DOT1L: variants seen among roughly 807,000 people sequenced by gnomAD.
The protein encoded by DOT1L is DOT1 like histone lysine methyltransferase, also known as histone-lysine N-methyltransferase, H3 lysine-79 specific.
A neutral mutation model predicts 153.3 loss-of-function variants in DOT1L; 33 were observed. The observed-to-expected ratio is 0.22, with a 90% confidence interval of 0.16 to 0.29. DOT1L has a LOEUF of 0.29. Ranked by LOEUF, DOT1L falls within the 10% of genes least tolerant of loss-of-function variation. DOT1L has a pLI of 1.00. For synonymous variants in DOT1L, 1,135 were observed against 965.1 expected, an observed-to-expected ratio of 1.18 and a Z score of -3.26; for missense variants, 1,847 against 2,119.9, an observed-to-expected ratio of 0.87 and a Z score of 2.53.
At chr19:2,165,431 C>G (rs907341896) in intron 1 of DOT1L, among the ~76,000 whole-genome samples, 2 of 152,126 alleles carry the variant, frequency 1.3e-5, no homozygotes, top group Non-Finnish European at 2.9e-5. Flanking sequence ...AGCCTGGCCG[C>G]ACGTCCCGCG....
At chr19:2,206,153 A>C (rs985063109) in intron 9 of DOT1L, among the ~76,000 whole-genome samples, 5 of 151,734 alleles carry the variant, frequency 3.3e-5, no homozygotes, top group Admixed American at 3.3e-4. Flanking sequence ...GTGCGCCACC[A>C]CACCTGGCTA....
At chr19:2,202,825 G>A (rs755375282) in intron 9 of DOT1L, 46 bp downstream of exon 9, 3 of 1,607,516 alleles carry the variant, frequency 1.9e-6, no homozygotes, top group East Asian at 2.2e-5. Context: ...ACATGATTGA[G>A]GAAGGGTGGC....
In DOT1L at chr19:2,207,885, C is replaced by G. The variant is rs2023564857; in HGVS notation, c.963+205C>G. 6.6e-6 allele frequency among the ~76,000 whole-genome samples: 1 copy of G among 152,080 alleles called. No individual in the cohort carries two copies. On this transcript the variant is annotated intron_variant, in intron 11 of 27. Transcript: ENST00000398665. The surrounding 1 kb of genome is among the most constrained non-coding windows in gnomAD (Gnocchi z 4.5). ...GGACCCACCAGGGTCCTCCCAGGCA[C>G]TGGGCGTGTCCTGGGTGAGGGCTGA...
chr19:2,196,667 G>T (rs1460681930), intron 7 of DOT1L, among the ~76,000 whole-genome samples: 3 of 152,160 alleles, frequency 2.0e-5, no homozygotes, highest in Non-Finnish European at 4.4e-5. Flanking sequence ...TGTGTCGCCT[G>T]CAAACACGGA....
At chr19:2,181,671 C>G (rs975091244) in intron 2 of DOT1L, among the ~76,000 whole-genome samples, 1 of 152,190 alleles carries the variant, frequency 6.6e-6, no homozygotes, top group Non-Finnish European at 1.5e-5. Flanking sequence ...GGAGTAGGGG[C>G]CCCTCTGTTC....
chr19:2,181,317 G>A (rs559466957), intron 2 of DOT1L, among the ~76,000 whole-genome samples: 2 of 152,294 alleles, frequency 1.3e-5, no homozygotes, highest in Non-Finnish European at 2.9e-5. Flanking sequence ...GCACCTGCAC[G>A]GAGGCCACAT....
At position 2,208,717 on chromosome 19, in the gene DOT1L, G is replaced by A. The variant is rs530884734; in HGVS notation, c.964-218G>A. On this transcript the variant is annotated intron_variant, in intron 11 of 27. Transcript: ENST00000398665. The surrounding 1 kb of genome is among the most constrained non-coding windows in gnomAD (Gnocchi z 4.4). ...AGGCTTAAACCAGCCCCGCCCACCC[G>A]TCGCGTGCTGGTGAATTGAGGGTGA... 4.6e-5 allele frequency among the ~76,000 whole-genome samples: 7 copies of A among 152,254 alleles called. No individual in the cohort carries two copies. The highest frequency in any genetic ancestry group is 2.0e-4 in the Admixed American group (3 of 15,292).
chr19:2,227,590 G>A, intron 27 of DOT1L: 1 of 938,784 alleles, frequency 1.1e-6, no homozygotes, highest in Non-Finnish European at 1.4e-6. Context: ...GCCACCACGA[G>A]CCTGGCCGAG....
At position 2,231,851 on chromosome 19, in the gene DOT1L, C is replaced by G; in HGVS notation, c.*2059C>G. 1 of 220,008 alleles carries G rather than the reference C, an allele frequency of 4.5e-6. No homozygotes were observed. The highest frequency in any genetic ancestry group is 9.1e-6 in the Non-Finnish European group (1 of 109,762). The allele number at this position is 220,008 out of a possible 1,614,324, so 13.6% of individuals were successfully genotyped here. On this transcript the variant is annotated 3_prime_UTR_variant, in exon 28 of 28. Coordinates refer to ENST00000398665, the MANE Select transcript of DOT1L (RefSeq NM_032482.3). ...GTCCTGCAGATGGCCATGCAGGGCT[C>G]CTGCCCACGCAGGCCACCGTATGTT...
In DOT1L at chr19:2,222,314, A is replaced by G. The variant is rs1314918641; in HGVS notation, c.3145A>G (p.Ile1049Val). Residue 1049 changes from isoleucine (I) to valine (V), a missense_variant, in exon 24 of 28, where the codon ATC becomes GTC. By Grantham distance (29) the Ile-to-Val change is conservative (BLOSUM62 3). Around this residue, in one of 8 missense-constraint regions of DOT1L, gnomAD observed 934 missense variants for 825.3 expected, o/e 1.13. Coordinates refer to ENST00000398665, the MANE Select transcript of DOT1L (RefSeq NM_032482.3). This position sits in a 1 kb window ranked among gnomAD's most constrained non-coding sequence, Gnocchi z 6.5. ...AGCCAAGAGGAGGATTGTGTTCACC[A>G]TCACCACTGGTGCGGGCAGTGCCAA... ...SEAKRRIVFT[I>V]TTGAGSAKQS... 2 of 1,612,860 alleles carry G rather than the reference A, an allele frequency of 1.2e-6. No homozygotes were observed. The highest frequency in any genetic ancestry group is 1.7e-5 in the Admixed American group (1 of 59,998).
chr19:2,213,328 G>A (rs1048736102), intron 16 of DOT1L: 7 of 510,380 alleles, frequency 1.4e-5, no homozygotes, highest in Admixed American at 3.5e-5. Flanking sequence ...TCCAGCTGGC[G>A]AGAGTTCTTT....
At chr19:2,214,226 G>C in intron 18 of DOT1L, 1 of 865,864 alleles carries the variant, frequency 1.2e-6, no homozygotes, top group African/African-American at 1.7e-5. Flanking sequence ...TGGCAGGCTC[G>C]AGGTGTGGGG....
intron 1 of DOT1L, among the ~76,000 whole-genome samples, chr19:2,172,165 A>G (rs188563153): frequency 2.3e-4 from 34 of 150,868 alleles, no homozygotes; most frequent in Admixed American, 1.5e-3. Flanking sequence ...CCTCGGACGC[A>G]CTTTTCTTTT....
intron 2 of DOT1L, among the ~76,000 whole-genome samples, chr19:2,182,989 C>T (rs1210797094): frequency 2.0e-5 from 3 of 152,150 alleles, no homozygotes; most frequent in Non-Finnish European, 4.4e-5. Context: ...CCTCGAAACT[C>T]GAACCCCCAC....
rs914777986 is a variant in DOT1L at position 2,173,791 on chromosome 19, C to T, written c.82-6922C>T. On this transcript the variant is annotated intron_variant, in intron 1 of 27. Transcript: ENST00000398665. ...GAGTGCCTCACTACGCACTTCAAGA[C>T]GGGGTCGCTCCGGTTGTGTTTTATG... is the stretch of plus-strand genomic sequence containing the variant. Among the ~76,000 whole-genome samples, 12 of 152,162 alleles carry T rather than the reference C, an allele frequency of 7.9e-5. No homozygotes were observed. In the East Asian group the frequency reaches 1.5e-3, roughly 20 times the overall value.
At position 2,191,443 on chromosome 19, in the gene DOT1L, G is replaced by T; in HGVS notation, c.493+203G>T. The T allele has an allele frequency of 1.6e-6, 1 of 611,128 alleles. No homozygotes were observed. 37.9% of individuals were successfully genotyped at this position (611,128 alleles called of 1,614,324 possible). A position where few individuals can be genotyped will look rare whatever the true frequency, so the allele number is the denominator to read the frequency against. Reference sequence around the variant, plus strand: ...GGGCTCCACCCAGAGGGGAGAAATCGCAGGAACCCAGTGGCTCCCAGACCA... The same window carrying T: ...GGGCTCCACCCAGAGGGGAGAAATCTCAGGAACCCAGTGGCTCCCAGACCA... On this transcript the variant is annotated intron_variant, in intron 5 of 27. Transcript: ENST00000398665. This position sits in a 1 kb window ranked among gnomAD's most constrained non-coding sequence, Gnocchi z 6.8.
At chr19:2,194,700 G>C in intron 7 of DOT1L, 123 bp downstream of exon 7, 1 of 542,818 alleles carries the variant, frequency 1.8e-6, no homozygotes, top group Admixed American at 3.9e-5. Context: ...GTGCCCCCTG[G>C]AGTCCCCTCT....
rs1481156475 is a variant in DOT1L, at chr19:2,227,879, C to T, written c.4606+752C>T. The stretch of plus-strand genomic sequence containing the variant: ...GCGCCTCGGCCTCTTCCTTTCAGGC[C>T]CCGGCCTCGGTTGAGACCCGGCCGC... On this transcript the variant is annotated intron_variant, in intron 27 of 27. Transcript: ENST00000398665. 4.7e-6 allele frequency: 6 copies of T among 1,275,618 alleles called. No individual in the cohort carries two copies. In the African/African-American group the frequency reaches 7.9e-5, roughly 17 times the overall value. The allele number at this position is 1,275,618 out of a possible 1,614,324, so 79.0% of individuals were successfully genotyped here.
Position 2,229,916 on chromosome 19 carries a change from C to T in DOT1L, c.*124C>T, listed in dbSNP as rs2024525805. 1 of 1,568,262 alleles carries T rather than the reference C, an allele frequency of 6.4e-7. No homozygotes were observed. The highest frequency in any genetic ancestry group is 8.7e-7 in the Non-Finnish European group (1 of 1,146,540). ...CGGCAGAGGCAAGGACGGACGGGAG[C>T]TCCACTGTGAATCGGCGGCACGCGC... On this transcript the variant is annotated 3_prime_UTR_variant, in exon 28 of 28. Coordinates refer to ENST00000398665, the MANE Select transcript of DOT1L (RefSeq NM_032482.3).
Sources: gnomAD v4.1 joint callset for allele counts (sites outside exome capture counted in the v4.1 genomes callset) on GRCh38, gnomAD v4.1.1 for gene constraint, gnomAD v4.1.1 regional missense constraint, Gnocchi (gnomAD v3.1) non-coding constraint, MANE v1.5 for transcripts, NCBI Gene and HGNC (gene_info 2026-07-23, HGNC 2026-07-21) for gene names.